FOXN3: variants seen among roughly 807,000 people sequenced by gnomAD.
FOXN3 encodes forkhead box N3, also known as forkhead box protein N3.
A neutral mutation model predicts 38.4 loss-of-function variants in FOXN3; 7 were observed. The ratio of observed to expected loss-of-function variants is 0.18; its 90% CI spans 0.10 to 0.34. The LOEUF (loss-of-function observed/expected upper bound fraction) is 0.34. Among genes scored for constraint, FOXN3 ranks in the 10% least tolerant of loss-of-function variants. The pLI is 1.00. For missense variants in FOXN3, 456 were observed against 613.4 expected, an observed-to-expected ratio of 0.74 and a Z score of 2.71; for synonymous variants, 230 against 242.2, an observed-to-expected ratio of 0.95 and a Z score of 0.47.
In FOXN3 at chr14:89,178,042, C is replaced by T. The variant is rs140178076; in HGVS notation, c.851+2659G>A. The stretch of plus-strand genomic sequence containing the variant: ...ATTTTGATTTTTACATGGTCTCACT[C>T]TGTCACCCAGGCTGGAGTGCAGTGG... On this transcript the variant is annotated intron_variant, in intron 5 of 5. Transcript: ENST00000557258. Among the ~76,000 whole-genome samples the T allele has an allele frequency of 3.3e-3, 495 of 152,286 alleles. 1 individual carries two copies. The highest frequency in any genetic ancestry group is 0.011 in the African/African-American group (471 of 41,560).
In FOXN3 at chr14:89,224,747, A is replaced by C. The variant is rs549202886; in HGVS notation, c.746-43941T>G. Among the ~76,000 whole-genome samples the C allele has an allele frequency of 3.3e-5, 5 of 152,284 alleles. No homozygotes were observed. In the East Asian group the frequency reaches 9.6e-4, roughly 29 times the overall value. On this transcript the variant is annotated intron_variant, in intron 4 of 5. Transcript: ENST00000557258. The stretch of plus-strand genomic sequence containing the variant: ...ATACATCAATGAAGGCATCATAATA[A>C]AATCTTATTTGGAGGCCAAGACAGG...
intron 3 of FOXN3, among the ~76,000 whole-genome samples, chr14:89,309,715 C>T (rs974999166): frequency 5.3e-5 from 8 of 152,112 alleles, no homozygotes; most frequent in South Asian, 2.1e-4. Flanking sequence ...AGGGGTGCGA[C>T]GGAACCATTT....
chr14:89,609,927 T>C (rs1278405074), intron 1 of FOXN3, among the ~76,000 whole-genome samples: 1 of 152,078 alleles, frequency 6.6e-6, no homozygotes, highest in Non-Finnish European at 1.5e-5. Flanking sequence ...CCAAGTTTTC[T>C]AGCCTGGGAA....
rs142253199 is a variant in FOXN3 at position 89,499,405 on chromosome 14, A to T, written c.-14-86915T>A. Among the ~76,000 whole-genome samples the T allele has an allele frequency of 5.0e-4, 76 of 152,068 alleles. 1 individual carries two copies. The East Asian group carries it at 0.014, about 27-fold the overall frequency. On this transcript the variant is annotated intron_variant, in intron 1 of 6. Transcript: ENST00000345097. ...GCCTAAAGCCAGTTGCCTAATGAGCAATTTGCCTATAATTTAAAACCTTTT... is the reference window on the plus strand; with the variant it reads ...GCCTAAAGCCAGTTGCCTAATGAGCTATTTGCCTATAATTTAAAACCTTTT...
At chr14:89,261,046 T>G (rs1414949996) in intron 4 of FOXN3, among the ~76,000 whole-genome samples, 1 of 152,232 alleles carries the variant, frequency 6.6e-6, no homozygotes, top group Non-Finnish European at 1.5e-5. Flanking sequence ...GAACCACAGG[T>G]TGAGCCTTGG....
rs186241364 is a variant in FOXN3 at position 89,391,089 on chromosome 14, C to T, written c.543+20845G>A. 1.2e-4 allele frequency among the ~76,000 whole-genome samples: 18 copies of T among 152,162 alleles called. No homozygotes were observed. The East Asian group carries it at 1.5e-3, about 13-fold the overall frequency. On this transcript the variant is annotated intron_variant, in intron 2 of 5. Coordinates refer to ENST00000557258, the MANE Select transcript of FOXN3 (RefSeq NM_005197.4). ...CTTTCCTTATTTATGTGTGGTCTTC[C>T]GAGGCCAATTACAGAGGGTGAAAAC... is the stretch of plus-strand genomic sequence containing the variant.
intron 2 of FOXN3, among the ~76,000 whole-genome samples, chr14:89,384,255 G>A (rs1025974703): frequency 2.0e-5 from 3 of 152,142 alleles, no homozygotes; most frequent in East Asian, 1.9e-4. Flanking sequence ...CGTGGCATGT[G>A]GGAGAGGAGA....
intron 4 of FOXN3, among the ~76,000 whole-genome samples, chr14:89,274,844 C>T (rs1886254947): frequency 6.6e-6 from 1 of 152,198 alleles, no homozygotes; most frequent in African/African-American, 2.4e-5. Flanking sequence ...CCAACAGGCT[C>T]TGGGCATCCT....
chr14:89,364,950 C>G (rs866417901), intron 2 of FOXN3, among the ~76,000 whole-genome samples: 1 of 152,068 alleles, frequency 6.6e-6, no homozygotes. Flanking sequence ...TTTGAATGGA[C>G]GCAGGAAAAA....
chr14:89,338,232 A>T (rs923110875), intron 3 of FOXN3, among the ~76,000 whole-genome samples: 1 of 152,208 alleles, frequency 6.6e-6, no homozygotes, highest in Non-Finnish European at 1.5e-5. Context: ...GTGACTGTAA[A>T]GGGGAGGAGG....
chr14:89,436,199 G>C (rs902353544), intron 1 of FOXN3, among the ~76,000 whole-genome samples: 1 of 146,952 alleles, frequency 6.8e-6, no homozygotes, highest in Admixed American at 7.0e-5. Context: ...TGACTGCCCT[G>C]ACTTATCATT....
chr14:89,367,910 C>T (rs1435909062), intron 2 of FOXN3, among the ~76,000 whole-genome samples: 1 of 152,132 alleles, frequency 6.6e-6, no homozygotes, highest in Non-Finnish European at 1.5e-5. Context: ...ACCCAAGCAT[C>T]GTATCTTCCT....
intron 2 of FOXN3, among the ~76,000 whole-genome samples, chr14:89,395,330 T>C (rs1891071918): frequency 6.6e-6 from 1 of 152,204 alleles, no homozygotes; most frequent in South Asian, 2.1e-4. Context: ...AGAGAAGGTT[T>C]ACTGAATTGA....
At position 89,350,609 on chromosome 14, in the gene FOXN3, G is replaced by A. The variant is rs1351045585; in HGVS notation, c.680+63C>T. 11 of 1,332,562 alleles carry A rather than the reference G, an allele frequency of 8.3e-6. No homozygotes were observed. The highest frequency in any genetic ancestry group is 3.0e-5 in the African/African-American group (2 of 65,692). The allele number at this position is 1,332,562 out of a possible 1,614,324, so 82.5% of individuals were successfully genotyped here. ...TACGGCCTATTAAATTAATTTCCGC[G>A]CAGGTCTCTGCCAAAATAATGCCAT... On this transcript the variant is annotated intron_variant, in intron 3 of 5. Transcript: ENST00000557258.
At chr14:89,372,894 G>C (rs1323465830) in intron 2 of FOXN3, among the ~76,000 whole-genome samples, 1 of 152,172 alleles carries the variant, frequency 6.6e-6, no homozygotes, top group Non-Finnish European at 1.5e-5. Flanking sequence ...ATGTAGGCTG[G>C]TGCAGTGGCT....
intron 3 of FOXN3, among the ~76,000 whole-genome samples, chr14:89,319,399 C>T (rs950465766): frequency 6.6e-6 from 1 of 152,170 alleles, no homozygotes; most frequent in Admixed American, 6.5e-5. Context: ...AATGCACTTG[C>T]TTCCCCAGCT....
At chr14:89,468,632 G>C (rs1893031825) in intron 1 of FOXN3, among the ~76,000 whole-genome samples, 2 of 152,064 alleles carry the variant, frequency 1.3e-5, no homozygotes, top group Non-Finnish European at 2.9e-5. Flanking sequence ...TTAGAATGCA[G>C]ACAGCACTCA....
At chr14:89,298,168 T>C (rs1353393920) in intron 3 of FOXN3, among the ~76,000 whole-genome samples, 4 of 152,120 alleles carry the variant, frequency 2.6e-5, no homozygotes, top group African/African-American at 9.7e-5. Flanking sequence ...TTATGGTAAA[T>C]GCAATAAGCC....
intron 1 of FOXN3, among the ~76,000 whole-genome samples, chr14:89,525,368 GAC>G (rs1466437352): frequency 6.6e-6 from 1 of 152,128 alleles, no homozygotes; most frequent in Non-Finnish European, 1.5e-5. Context: ...CATGCTAAGA[GAC>G]ACTCCCACCA....
Sources: allele counts gnomAD v4.1 joint callset (sites outside exome capture counted in the v4.1 genomes callset), GRCh38; gene constraint gnomAD v4.1.1; transcripts MANE v1.5; gene names NCBI Gene and HGNC (gene_info 2026-07-23, HGNC 2026-07-21).